The following TMEM269 variants were observed in gnomAD, a reference collection of about 807,000 sequenced individuals.
TMEM269 encodes the protein transmembrane protein 269.
Under a neutral mutation model 15.8 loss-of-function variants are expected in TMEM269, and 12 were observed. That is an observed-to-expected ratio of 0.76 (90% CI 0.49 to 1.23). TMEM269 has a LOEUF of 1.23. Among genes scored for constraint, TMEM269 ranks in the 50% most tolerant of loss-of-function variants. The pLI, the probability that TMEM269 is intolerant of heterozygous loss-of-function variation, is 0.00. For missense variants in TMEM269, 211 were observed against 245.4 expected (o/e 0.86, Z 0.94); for synonymous variants, 93 against 99.3 (o/e 0.94, Z 0.38).
At position 42,797,113 on chromosome 1, in the gene TMEM269, T is replaced by C. The variant is rs1653802952; in HGVS notation, c.485-985T>C. Among the ~76,000 whole-genome samples the C allele has an allele frequency of 6.6e-6, 1 of 152,022 alleles. No individual in the cohort carries two copies. The highest frequency in any genetic ancestry group is 6.6e-5 in the Admixed American group (1 of 15,248). On this transcript the variant is annotated intron_variant, in intron 5 of 5. Transcript: ENST00000637012. This position sits in a 1 kb window ranked among gnomAD's most constrained non-coding sequence, Gnocchi z 4.9. ...ATCTAGCAGAATGTCTAGTGCAAAA[T>C]AGATATTCCACAAACGTGAGTGCTC...
At position 42,798,676 on chromosome 1, in the gene TMEM269, ACT is replaced by A. The variant is rs1653832380; in HGVS notation, c.*456_*457del. ...CTCTGAGAGTAGAGCCAATCACAGG[ACT>A]CTCTTGTTGCCTAGTTTGAATGTGT... On this transcript the variant is annotated 3_prime_UTR_variant, in exon 6 of 6. Coordinates refer to ENST00000637012, the MANE Select transcript of TMEM269 (RefSeq NM_001354602.2). The A allele has an allele frequency of 7.0e-6, 1 of 142,982 alleles. No individual in the cohort carries two copies. 8.9% of individuals were successfully genotyped at this position (142,982 alleles called of 1,614,324 possible).
intron 1 of TMEM269, among the ~76,000 whole-genome samples, chr1:42,786,402 C>T (rs572774474): frequency 2.6e-5 from 4 of 152,286 alleles, no homozygotes; most frequent in East Asian, 1.9e-4. Flanking sequence ...GGGCACCTAA[C>T]GTGCTCAGGG....
intron 2 of TMEM269, among the ~76,000 whole-genome samples, chr1:42,790,206 A>G (rs1022822597): frequency 2.0e-5 from 3 of 152,114 alleles, no homozygotes; most frequent in South Asian, 2.1e-4. Flanking sequence ...CACAGTTCAT[A>G]TTTTCTAATT....
At chr1:42,789,411 G>A in intron 1 of TMEM269, 1 of 1,534,596 alleles carries the variant, frequency 6.5e-7, no homozygotes, top group Non-Finnish European at 8.7e-7. Context: ...CCCTTCGTCA[G>A]TGACAAGGGC....
Position 42,797,989 on chromosome 1 carries a change from C to G in TMEM269, c.485-109C>G, listed in dbSNP as rs1219900959. 4.0e-5 allele frequency: 50 copies of G among 1,259,096 alleles called. No individual in the cohort carries two copies. Among genetic ancestry groups the G allele is most frequent in the Non-Finnish European group, 5.5e-5 (49 of 885,058 alleles). 78.0% of individuals were successfully genotyped at this position (1,259,096 alleles called of 1,614,324 possible). ...TCTCTTTCTGTTTGTTTCTTAGGCA[C>G]TGTGGGTGAAAAGTAAAGAATGGGA... On this transcript the variant is annotated intron_variant, in intron 5 of 5. Coordinates refer to ENST00000637012, the MANE Select transcript of TMEM269 (RefSeq NM_001354602.2). This position sits in a 1 kb window ranked among gnomAD's most constrained non-coding sequence, Gnocchi z 4.9.
In TMEM269 at chr1:42,800,784, T is replaced by C. The variant is rs1653875881; in HGVS notation, c.*2559T>C. 1 of 152,170 alleles carries C rather than the reference T, an allele frequency of 6.6e-6. No homozygotes were observed. The highest frequency in any genetic ancestry group is 6.5e-5 in the Admixed American group (1 of 15,272). The allele number at this position is 152,170 out of a possible 1,614,324, so 9.4% of individuals were successfully genotyped here. A position where few individuals can be genotyped will look rare whatever the true frequency, so the allele number is the denominator to read the frequency against. The stretch of plus-strand genomic sequence containing the variant: ...AACACCTAGAATAATGAATGGCACG[T>C]AAAATATGTTAAATAAATGTTAGAT... On this transcript the variant is annotated 3_prime_UTR_variant, in exon 6 of 6. Coordinates refer to ENST00000637012, the MANE Select transcript of TMEM269 (RefSeq NM_001354602.2).
chr1:42,787,763 G>A (rs1653572420), intron 1 of TMEM269, among the ~76,000 whole-genome samples: 1 of 152,192 alleles, frequency 6.6e-6, no homozygotes, highest in Non-Finnish European at 1.5e-5. Flanking sequence ...ATTAACCAGT[G>A]TGAAGTAGCA....
In TMEM269 at chr1:42,794,551, G is replaced by T. The variant is rs1374624897; in HGVS notation, c.422G>T (p.Ser141Ile). The T allele has an allele frequency of 6.4e-7, 1 of 1,550,918 alleles. No individual in the cohort carries two copies. Among genetic ancestry groups the T allele is most frequent in the Non-Finnish European group, 8.7e-7 (1 of 1,147,082 alleles). The change falls in exon 5 of 6, where the codon AGC becomes ATC. Residue 141 changes from serine (S) to isoleucine (I), a missense_variant. By Grantham distance (142) the Ser-to-Ile change is moderately radical. Transcript: ENST00000637012. The part of the protein sequence containing the change: ...SLMILFMMDQ[S>I]YYPYDKILES... Reference sequence around the variant, plus strand: ...ATGATTCTCTTCATGATGGACCAGAGCTACTATCCATATGACAAAATCCTG... The same window carrying T: ...ATGATTCTCTTCATGATGGACCAGATCTACTATCCATATGACAAAATCCTG...
chr1:42,796,173 T>A (rs1653787956), intron 5 of TMEM269, among the ~76,000 whole-genome samples: 1 of 152,232 alleles, frequency 6.6e-6, no homozygotes, highest in South Asian at 2.1e-4. Flanking sequence ...GATGTGTCCA[T>A]TTCTAGCCTC....
chr1:42,800,278 C>T lies in TMEM269; in HGVS notation c.*2053C>T, dbSNP rs1362365870. On this transcript the variant is annotated 3_prime_UTR_variant, in exon 6 of 6. Coordinates refer to ENST00000637012, the MANE Select transcript of TMEM269 (RefSeq NM_001354602.2). Reference sequence around the variant, plus strand: ...CGGTTAACAGAGGGATCTATGCTTCCTTGCACCTCTCTGAGAGTATGGTTA... The same window carrying T: ...CGGTTAACAGAGGGATCTATGCTTCTTTGCACCTCTCTGAGAGTATGGTTA... 1 of 152,174 alleles carries T rather than the reference C, an allele frequency of 6.6e-6. No homozygotes were observed. The highest frequency in any genetic ancestry group is 2.4e-5 in the African/African-American group (1 of 41,444). The allele number at this position is 152,174 out of a possible 1,614,324, so 9.4% of individuals were successfully genotyped here. A position where few individuals can be genotyped will look rare whatever the true frequency, so the allele number is the denominator to read the frequency against.
At chr1:42,785,451 TCTC>T (rs200995427) in intron 1 of TMEM269, among the ~76,000 whole-genome samples, 1,543 of 152,248 alleles carry the variant, frequency 0.01, 29 homozygotes, top group African/African-American at 0.036. Context: ...TCAACTCTCG[TCTC>T]CTCTGCAGCA....
Position 42,793,620 on chromosome 1 carries a change from T to G in TMEM269, c.159T>G (p.Phe53Leu). ...CSKLGAELND[F>L]AVFTTFGLAS... is the part of the protein sequence containing the mutation. The stretch of plus-strand genomic sequence containing the variant: ...GGGCAGGAGCCGAGCTGAATGACTT[T>G]GCCGTCTTCACCACCTTCGGCTTGG... The change falls in exon 4 of 6, where the codon TTT becomes TTG. Residue 53 changes from phenylalanine (F) to leucine (L), a missense_variant. By Grantham distance (22) the Phe-to-Leu change is conservative. Transcript: ENST00000637012. 1 of 1,550,194 alleles carries G rather than the reference T, an allele frequency of 6.5e-7. No individual in the cohort carries two copies. Among genetic ancestry groups the G allele is most frequent in the Non-Finnish European group, 8.7e-7 (1 of 1,146,790 alleles).
rs719676 is a variant in TMEM269, at chr1:42,788,437, A to G, written c.-98-1359A>G. Among the ~76,000 whole-genome samples, 28,965 of 152,084 alleles carry G rather than the reference A, an allele frequency of 0.19. 3,343 individuals carry two copies. Among genetic ancestry groups the G allele is most frequent in the East Asian group, 0.41 (2,091 of 5,148 alleles). ...TGGGGAGGAATGGGGCTCTTTCTCC[A>G]AGAGACTCAGTTTCTCAAGCAGATT... is the stretch of plus-strand genomic sequence containing the variant. On this transcript the variant is annotated intron_variant, in intron 1 of 5. Transcript: ENST00000637012. This position sits in a 1 kb window ranked among gnomAD's most constrained non-coding sequence, Gnocchi z 4.0.
chr1:42,787,064 C>T (rs983989994), intron 1 of TMEM269, among the ~76,000 whole-genome samples: 1 of 152,212 alleles, frequency 6.6e-6, no homozygotes, highest in East Asian at 1.9e-4. Context: ...GCAAGAGACT[C>T]ATTTCCTTGG....
chr1:42,798,164 C>CGTACAT lies in TMEM269; in HGVS notation c.552_557dup (p.Tyr185_Ile186insMetTyr). 6.4e-7 allele frequency: 1 copy of CGTACAT among 1,550,462 alleles called. No homozygotes were observed. Among genetic ancestry groups the CGTACAT allele is most frequent in the Admixed American group, 2.0e-5 (1 of 51,002 alleles). On this transcript the variant is annotated inframe_insertion, in exon 6 of 6. Coordinates refer to ENST00000637012, the MANE Select transcript of TMEM269 (RefSeq NM_001354602.2). ...TTTTACTGCCTGATGTGGTCGCTCT[C>CGTACAT]GTACATCTTCTTTCCAGATGCTCTG...
chr1:42,793,752 G>A lies in TMEM269; in HGVS notation c.283+8G>A. ...TGTGCTTTTATTCACCTGGTGAGTG[G>A]AACCAAGGTTGCCTTAGAACAGAGG... On this transcript the variant is annotated splice_region_variant and intron_variant, in intron 4 of 5. Transcript: ENST00000637012. The A allele has an allele frequency of 1.9e-6, 3 of 1,549,672 alleles. No individual in the cohort carries two copies. Among genetic ancestry groups the A allele is most frequent in the Non-Finnish European group, 2.6e-6 (3 of 1,146,518 alleles).
intron 2 of TMEM269, among the ~76,000 whole-genome samples, chr1:42,791,360 A>G (rs72661372): frequency 1.3e-5 from 2 of 152,332 alleles, no homozygotes; most frequent in Non-Finnish European, 2.9e-5. Flanking sequence ...AAATTTTAAA[A>G]AAGTATACTC....
At position 42,799,149 on chromosome 1, in the gene TMEM269, A is replaced by G. The variant is rs1653847418; in HGVS notation, c.*924A>G. 6.6e-6 allele frequency: 1 copy of G among 151,426 alleles called. No individual in the cohort carries two copies. The highest frequency in any genetic ancestry group is 1.5e-5 in the Non-Finnish European group (1 of 67,900). 9.4% of individuals were successfully genotyped at this position (151,426 alleles called of 1,614,324 possible). The stretch of plus-strand genomic sequence containing the variant: ...ATCTGGCTTGCAGGATCTCGTGTGG[A>G]TTTTCTTTCCTACGCTGGAAACTAC... On this transcript the variant is annotated 3_prime_UTR_variant, in exon 6 of 6. Transcript: ENST00000637012.
At chr1:42,793,040 G>T (rs1293500455) in intron 3 of TMEM269, 138 bp downstream of exon 3, 3 of 709,598 alleles carry the variant, frequency 4.2e-6, no homozygotes, top group Non-Finnish European at 7.3e-6. Flanking sequence ...AGCAGCAGCA[G>T]CAGCAGCCCT....
Sources: gnomAD v4.1 joint callset for allele counts (sites outside exome capture counted in the v4.1 genomes callset) on GRCh38, gnomAD v4.1.1 for gene constraint, Gnocchi (gnomAD v3.1) non-coding constraint, MANE v1.5 for transcripts, NCBI Gene and HGNC (gene_info 2026-07-23, HGNC 2026-07-21) for gene names.